The following TJP2 variants were observed in gnomAD, a reference collection of about 807,000 sequenced individuals.
TJP2 encodes tight junction protein 2, also known as Friedreich ataxia region gene X104 (tight junction protein ZO-2).
In TJP2, 91 loss-of-function variants were observed where a neutral mutation model predicts 133.1. The observed-to-expected ratio is 0.68, with a 90% CI of 0.58 to 0.81. The LOEUF (loss-of-function observed/expected upper bound fraction) is 0.81, where lower values mean the gene tolerates loss of function less well. Ranked by LOEUF, TJP2 falls within the 40% of genes least tolerant of loss-of-function variation. The pLI, the probability that TJP2 is intolerant of heterozygous loss-of-function variation, is 0.00. For synonymous variants in TJP2, 592 were observed against 583.4 expected (o/e 1.01, Z -0.21); for missense variants, 1,541 against 1,565.6 (o/e 0.98, Z 0.26).
chr9:69,143,398 T>C (rs926215973), intron 1 of TJP2, among the ~76,000 whole-genome samples: 5 of 152,352 alleles, frequency 3.3e-5, no homozygotes, highest in Non-Finnish European at 2.9e-5. Context: ...ATTTTTATCA[T>C]GCGTCATCAG....
chr9:69,133,805 C>T (rs1348721448), intron 1 of TJP2, among the ~76,000 whole-genome samples: 1 of 152,066 alleles, frequency 6.6e-6, no homozygotes, highest in East Asian at 1.9e-4. Flanking sequence ...CCTGCCTCAG[C>T]CTCCCAACGT....
chr9:69,148,889 C>T (rs1035205086), intron 1 of TJP2, among the ~76,000 whole-genome samples: 6 of 152,156 alleles, frequency 3.9e-5, no homozygotes, highest in South Asian at 2.1e-4. Context: ...AGTGCTAACT[C>T]GGTTTCAGTA....
intron 1 of TJP2, among the ~76,000 whole-genome samples, chr9:69,198,862 A>G (rs984184523): frequency 6.6e-6 from 1 of 152,260 alleles, no homozygotes; most frequent in African/African-American, 2.4e-5. Flanking sequence ...CAACTAGTTT[A>G]TTGCTACCAA....
At chr9:69,240,882 G>A (rs1045898840) in intron 17 of TJP2, among the ~76,000 whole-genome samples, 10 of 150,706 alleles carry the variant, frequency 6.6e-5, no homozygotes, top group Admixed American at 2.6e-4. Flanking sequence ...CTCTTTGTTA[G>A]GTGTGATAAT....
At position 69,176,223 on chromosome 9, in the gene TJP2, G is replaced by T. The variant is rs983896721; in HGVS notation, c.60+1791G>T. Among the ~76,000 whole-genome samples the T allele has an allele frequency of 2.0e-5, 3 of 152,224 alleles. No homozygotes were observed. The East Asian group carries it at 5.8e-4, about 29-fold the overall frequency. ...TACCTCACCCGAGCAAGCCACTATAGAAAATGGGGCCAGTAATGCGCCCAC... is the reference window on the plus strand; with the variant it reads ...TACCTCACCCGAGCAAGCCACTATATAAAATGGGGCCAGTAATGCGCCCAC... On this transcript the variant is annotated intron_variant, in intron 1 of 22. Coordinates refer to ENST00000377245, the MANE Select transcript of TJP2 (RefSeq NM_004817.4).
At chr9:69,151,760 C>T (rs1355014285) in exon 2 of TJP2, 1 of 1,232,092 alleles carries the variant, frequency 8.1e-7, no homozygotes, top group Non-Finnish European at 1.0e-6. Flanking sequence ...AGTACACGGC[C>T]CACGTTGCCA....
At chr9:69,217,062 C>T (rs1828444160) in intron 3 of TJP2, among the ~76,000 whole-genome samples, 1 of 149,954 alleles carries the variant, frequency 6.7e-6, no homozygotes, top group South Asian at 2.1e-4. Context: ...GATCTCAGCT[C>T]ACTGCAACCA....
At chr9:69,171,215 C>G (rs1029948372), upstream of TJP2, among the ~76,000 whole-genome samples, 1 of 152,202 alleles carries the variant, frequency 6.6e-6, no homozygotes, top group African/African-American at 2.4e-5. Context: ...CGCGTCTCCC[C>G]ATATCTAGTC....
intron 1 of TJP2, among the ~76,000 whole-genome samples, chr9:69,151,175 T>G (rs11145460): frequency 0.42 from 63,980 of 151,628 alleles, 13,707 homozygotes; most frequent in East Asian, 0.63. Flanking sequence ...GTGGGGTTAA[T>G]GAAGATCTTC....
At chr9:69,190,435 A>G (rs571778054) in intron 1 of TJP2, among the ~76,000 whole-genome samples, 18 of 152,214 alleles carry the variant, frequency 1.2e-4, no homozygotes, top group Admixed American at 5.2e-4. Context: ...TAAAAATATA[A>G]CCAGAGAAGT....
At chr9:69,245,152 T>G (rs17062942) in intron 17 of TJP2, among the ~76,000 whole-genome samples, 40,734 of 152,130 alleles carry the variant, frequency 0.27, 5,763 homozygotes, top group East Asian at 0.47. Context: ...AAAGTTAATT[T>G]TCTTCGGGTT....
intron 22 of TJP2, chr9:69,253,610 A>C (rs1017567542): frequency 5.9e-6 from 1 of 168,516 alleles, no homozygotes; most frequent in African/African-American, 2.4e-5. Flanking sequence ...GTGCCACCAT[A>C]TCCAGCTAGT....
At chr9:69,127,132 C>T (rs1169528487) in intron 1 of TJP2, among the ~76,000 whole-genome samples, 1 of 70,544 alleles carries the variant, frequency 1.4e-5, no homozygotes, top group African/African-American at 4.4e-5. Flanking sequence ...TGCAGTGGTG[C>T]GATCTCGGCT....
intron 1 of TJP2, among the ~76,000 whole-genome samples, chr9:69,203,912 A>G (rs950829205): frequency 2.0e-5 from 3 of 152,106 alleles, no homozygotes; most frequent in Non-Finnish European, 2.9e-5. Flanking sequence ...TGCGCCTGGC[A>G]AAGTGTAGGA....
At position 69,155,193 on chromosome 9, in the gene TJP2, T is replaced by C. The variant is rs963545012; in HGVS notation, c.-10+3422T>C. On this transcript the variant is annotated intron_variant, in intron 2 of 5. Coordinates refer to the TJP2 transcript ENST00000423935. Reference sequence around the variant, plus strand: ...GAGATCGTGCCACTTCACTCCAGCCTGGGTGAAAGGGCGAAAGAGTGAAAC... The same window carrying C: ...GAGATCGTGCCACTTCACTCCAGCCCGGGTGAAAGGGCGAAAGAGTGAAAC... Among the ~76,000 whole-genome samples the C allele has an allele frequency of 5.0e-5, 6 of 119,250 alleles. 1 individual carries two copies. The highest frequency in any genetic ancestry group is 7.6e-3 in the Middle Eastern group (1 of 132). 78.2% of individuals were successfully genotyped at this position (119,250 alleles called of 152,430 possible).
chr9:69,237,748 A>G (rs1830297836), intron 14 of TJP2, 130 bp from the exon 15 acceptor site: 5 of 722,886 alleles, frequency 6.9e-6, no homozygotes, highest in Non-Finnish European at 1.2e-5. Flanking sequence ...AACAGAGCCA[A>G]GCTGAATTGG....
At chr9:69,154,871 C>A (rs1392627008) in intron 2 of TJP2, among the ~76,000 whole-genome samples, 5 of 152,006 alleles carry the variant, frequency 3.3e-5, no homozygotes, top group African/African-American at 1.2e-4. Flanking sequence ...CATTGTTAGG[C>A]AATTTAGATA....
At chr9:69,150,631 C>G (rs1823427907) in intron 1 of TJP2, among the ~76,000 whole-genome samples, 2 of 152,156 alleles carry the variant, frequency 1.3e-5, no homozygotes, top group Non-Finnish European at 1.5e-5. Context: ...TTCTCACCCG[C>G]TGATATTTGT....
At chr9:69,242,250 G>C (rs1454474112) in intron 17 of TJP2, among the ~76,000 whole-genome samples, 1 of 152,002 alleles carries the variant, frequency 6.6e-6, no homozygotes, top group Non-Finnish European at 1.5e-5. Context: ...AGAATCTAGA[G>C]GGGTCCATGT....
Sources: gnomAD v4.1 joint callset for allele counts (sites outside exome capture counted in the v4.1 genomes callset) on GRCh38, gnomAD v4.1.1 for gene constraint, MANE v1.5 for transcripts, NCBI Gene and HGNC (gene_info 2026-07-23, HGNC 2026-07-21) for gene names.